Variants in EIF2AK1 observed in about 807,000 individuals in gnomAD.
EIF2AK1 encodes eukaryotic translation initiation factor 2-alpha kinase 1.
A neutral mutation model predicts 77.9 loss-of-function variants in EIF2AK1; 54 were observed. The ratio of observed to expected loss-of-function variants is 0.69; its 90% CI spans 0.56 to 0.87. The LOEUF (loss-of-function observed/expected upper bound fraction) is 0.87. Among genes scored for constraint, EIF2AK1 ranks in the 40% least tolerant of loss-of-function variants. The pLI is 0.00. For synonymous variants in EIF2AK1, 314 were observed against 290.5 expected (o/e 1.08, Z -0.82); for missense variants, 810 against 768.6 (o/e 1.05, Z -0.64).
rs1263427551 is a variant in EIF2AK1, at chr7:6,036,522, GT to G, written c.1332+901del. The G allele has an allele frequency of 2.0e-6, 1 of 511,632 alleles. No individual in the cohort carries two copies. Among genetic ancestry groups the G allele is most frequent in the Non-Finnish European group, 3.1e-6 (1 of 320,514 alleles). 31.7% of individuals were successfully genotyped at this position (511,632 alleles called of 1,614,324 possible). ...GTACAAACTACTGATTCTTGAACAT[GT>G]TCCAAAATACAAAGTGATTTGTCTA... On this transcript the variant is annotated intron_variant, in intron 11 of 14. Coordinates refer to ENST00000199389, the MANE Select transcript of EIF2AK1 (RefSeq NM_014413.4). The surrounding 1 kb of genome is among the most constrained non-coding windows in gnomAD (Gnocchi z 4.6).
In EIF2AK1 at chr7:6,056,395, C is replaced by G. The variant is rs1340009982; in HGVS notation, c.119-1691G>C. ...GTATCACAAGGTCAGGAGTTCAAGA[C>G]CAGCCTGGCCAAGATGGTGAAACCC... On this transcript the variant is annotated intron_variant, in intron 1 of 14. Transcript: ENST00000199389. Among the ~76,000 whole-genome samples, 189 of 149,686 alleles carry G rather than the reference C, an allele frequency of 1.3e-3. 4 individuals are homozygous for G. The highest frequency in any genetic ancestry group is 0.013 in the Admixed American group (187 of 14,820).
rs1788880332 is a variant in EIF2AK1 at position 6,059,071 on chromosome 7, T to C, written c.13A>G (p.Asn5Asp). Reference sequence around the variant, plus strand: ...TCTTCGCGCTTGCGGACCCCGGAGTTGCCCCCCTGCATCGCCGGCCGCGCG... The same window carrying C: ...TCTTCGCGCTTGCGGACCCCGGAGTCGCCCCCCTGCATCGCCGGCCGCGCG... The part of the protein sequence containing the change: MQGG[N>D]SGVRKREEEG... The change falls in exon 1 of 15, where the codon AAC becomes GAC. Residue 5 changes from asparagine (N) to aspartate (D), a missense_variant. By Grantham distance (23) the Asn-to-Asp change is conservative. Transcript: ENST00000199389. 2 of 1,448,038 alleles carry C rather than the reference T, an allele frequency of 1.4e-6. No homozygotes were observed. The highest frequency in any genetic ancestry group is 2.8e-5 in the South Asian group (2 of 71,486). The allele number at this position is 1,448,038 out of a possible 1,614,324, so 89.7% of individuals were successfully genotyped here. A position where few individuals can be genotyped will look rare whatever the true frequency, so the allele number is the denominator to read the frequency against.
Position 6,036,173 on chromosome 7 carries a change from A to T in EIF2AK1, c.1332+1251T>A. On this transcript the variant is annotated intron_variant, in intron 11 of 14. Coordinates refer to ENST00000199389, the MANE Select transcript of EIF2AK1 (RefSeq NM_014413.4). This position sits in a 1 kb window ranked among gnomAD's most constrained non-coding sequence, Gnocchi z 4.6. ...CTCTGAGAATGACCAATAACCAAGG[A>T]ATTCTACCTGCAGGAATCATGCTAC... 6.5e-7 allele frequency: 1 copy of T among 1,549,908 alleles called. No individual in the cohort carries two copies. Among genetic ancestry groups the T allele is most frequent in the Non-Finnish European group, 8.7e-7 (1 of 1,146,568 alleles).
rs1240778992 is a variant in EIF2AK1, at chr7:6,026,887, T to C, written c.1605A>G (p.Glu535=). ...GACCAGTTCTTAAACCTGTTAGAAC[T>C]TCTGCTCGCTCCATTTCTGTTCCAA... ...QPFGTEMERA[E]VLTGLRTGQL... is the part of the protein sequence containing the mutation. The change falls in exon 14 of 15, where the codon GAA becomes GAG. Residue 535 remains glutamate, a synonymous_variant. Transcript: ENST00000199389. 6.2e-7 allele frequency: 1 copy of C among 1,614,182 alleles called. No individual in the cohort carries two copies.
chr7:6,023,395 C>T lies in EIF2AK1; in HGVS notation c.*1278G>A. ...ACGTTTCTTGTTCTCTCTGTTTGGC[C>T]AGAAGCATAATGCTGTCAACGCAAC... On this transcript the variant is annotated 3_prime_UTR_variant, in exon 15 of 15. Coordinates refer to ENST00000199389, the MANE Select transcript of EIF2AK1 (RefSeq NM_014413.4). 6.2e-7 allele frequency: 1 copy of T among 1,614,172 alleles called. No homozygotes were observed. Among genetic ancestry groups the T allele is most frequent in the Non-Finnish European group, 8.5e-7 (1 of 1,180,028 alleles).
Position 6,024,126 on chromosome 7 carries a change from G to C in EIF2AK1, c.*547C>G. 1.5e-6 allele frequency: 2 copies of C among 1,295,600 alleles called. No homozygotes were observed. The highest frequency in any genetic ancestry group is 1.5e-5 in the African/African-American group (1 of 66,264). 80.3% of individuals were successfully genotyped at this position (1,295,600 alleles called of 1,614,324 possible). A position where few individuals can be genotyped will look rare whatever the true frequency, so the allele number is the denominator to read the frequency against. On this transcript the variant is annotated 3_prime_UTR_variant, in exon 15 of 15. Coordinates refer to ENST00000199389, the MANE Select transcript of EIF2AK1 (RefSeq NM_014413.4). ...GGAATGACGCTAAACTGAAGGTGGAGAGAACAGATAAAAAGGTTGGAAGTT... is the reference window on the plus strand; with the variant it reads ...GGAATGACGCTAAACTGAAGGTGGACAGAACAGATAAAAAGGTTGGAAGTT...
intron 5 of EIF2AK1, 93 bp downstream of exon 5, chr7:6,046,899 C>CA: frequency 3.3e-6 from 4 of 1,228,146 alleles, no homozygotes; most frequent in South Asian, 1.6e-5. Context: ...GACTCCATCT[C>CA]AAAAAAATAA....
rs1452209510 is a variant in EIF2AK1, at chr7:6,029,112, G to A, written c.1333-80C>T. 4 of 1,202,420 alleles carry A rather than the reference G, an allele frequency of 3.3e-6. No homozygotes were observed. The Admixed American group carries it at 9.7e-5, about 29-fold the overall frequency. The allele number at this position is 1,202,420 out of a possible 1,614,324, so 74.5% of individuals were successfully genotyped here. On this transcript the variant is annotated intron_variant, in intron 11 of 14. Transcript: ENST00000199389. ...ATCTTGTAAATGTTTTTAAGTGTTT[G>A]GAACTCAGGAGCAAGCAGCCCCTCA... is the stretch of plus-strand genomic sequence containing the variant.
chr7:6,037,116 A>G (rs925004594), intron 11 of EIF2AK1, among the ~76,000 whole-genome samples: 1 of 152,060 alleles, frequency 6.6e-6, no homozygotes, highest in Non-Finnish European at 1.5e-5. Flanking sequence ...CTGTAGTCTC[A>G]GCTACTAGGG....
In EIF2AK1 at chr7:6,024,292, T is replaced by G; in HGVS notation, c.*381A>C. The G allele has an allele frequency of 8.2e-7, 1 of 1,213,206 alleles. No homozygotes were observed. Among genetic ancestry groups the G allele is most frequent in the Non-Finnish European group, 1.0e-6 (1 of 958,742 alleles). The allele number at this position is 1,213,206 out of a possible 1,614,324, so 75.2% of individuals were successfully genotyped here. A position where few individuals can be genotyped will look rare whatever the true frequency, so the allele number is the denominator to read the frequency against. On this transcript the variant is annotated 3_prime_UTR_variant, in exon 15 of 15. Coordinates refer to ENST00000199389, the MANE Select transcript of EIF2AK1 (RefSeq NM_014413.4). ...AAAGGGGCAGGAAGACTGGCAGCTG[T>G]CAAAACTGGAACAGTCCAGTGAGTA...
intron 2 of EIF2AK1, 28 bp from the exon 3 acceptor site, chr7:6,050,073 T>A: frequency 6.4e-7 from 1 of 1,573,356 alleles, no homozygotes; most frequent in Non-Finnish European, 8.6e-7. Context: ...AAAACTATTA[T>A]TAGAAACATC....
Position 6,029,048 on chromosome 7 carries a change from A to G in EIF2AK1, c.1333-16T>C, listed in dbSNP as rs1379539746. 2 of 1,575,396 alleles carry G rather than the reference A, an allele frequency of 1.3e-6. No individual in the cohort carries two copies. Among genetic ancestry groups the G allele is most frequent in the African/African-American group, 1.4e-5 (1 of 73,736 alleles). On this transcript the variant is annotated splice_polypyrimidine_tract_variant and intron_variant, in intron 11 of 14. Coordinates refer to ENST00000199389, the MANE Select transcript of EIF2AK1 (RefSeq NM_014413.4). ...TATTTCTTGGCTATCAACAAACAAAACAAGTCAACTCCTTGGCTTTCTTAA... is the reference window on the plus strand; with the variant it reads ...TATTTCTTGGCTATCAACAAACAAAGCAAGTCAACTCCTTGGCTTTCTTAA...
intron 1 of EIF2AK1, chr7:6,057,659 CCT>C (rs1451130251): frequency 2.0e-5 from 3 of 151,608 alleles, no homozygotes; most frequent in South Asian, 2.1e-4. Context: ...TGTTGTTTTT[CCT>C]CTGTCTCCCA....
chr7:6,052,239 A>G (rs988660280), intron 2 of EIF2AK1, among the ~76,000 whole-genome samples: 1 of 151,792 alleles, frequency 6.6e-6, no homozygotes, highest in Non-Finnish European at 1.5e-5. Flanking sequence ...TCTTAAAATC[A>G]GTAAAATTCA....
At chr7:6,056,467 G>A (rs1463855281) in intron 1 of EIF2AK1, among the ~76,000 whole-genome samples, 2 of 147,174 alleles carry the variant, frequency 1.4e-5, no homozygotes, top group African/African-American at 2.5e-5. Flanking sequence ...GGTGGCAGAC[G>A]CCTGTAATCC....
chr7:6,044,635 T>C lies in EIF2AK1; in HGVS notation c.657A>G (p.Ala219=). Residue 219 remains alanine, a synonymous_variant, in exon 7 of 15, where the codon GCA becomes GCG. Coordinates refer to ENST00000199389, the MANE Select transcript of EIF2AK1 (RefSeq NM_014413.4). ...CAACAATATTGGGGTGCTGAAGACCTGCCAGCACCTTCACTTCCCGTAGGA... is the reference window on the plus strand; with the variant it reads ...CAACAATATTGGGGTGCTGAAGACCCGCCAGCACCTTCACTTCCCGTAGGA... ...MKVLREVKVL[A]GLQHPNIVGY... 6.2e-7 allele frequency: 1 copy of C among 1,614,000 alleles called. No individual in the cohort carries two copies. The highest frequency in any genetic ancestry group is 1.3e-5 in the African/African-American group (1 of 75,062).
In EIF2AK1 at chr7:6,036,267, T is replaced by C; in HGVS notation, c.1332+1157A>G. 6.5e-7 allele frequency: 1 copy of C among 1,549,940 alleles called. No individual in the cohort carries two copies. The highest frequency in any genetic ancestry group is 1.2e-5 in the South Asian group (1 of 83,996). ...AAAACCTTTATCCCTACAGGGTATC[T>C]GCAAAAGAAACATCAGGAATATTTA... On this transcript the variant is annotated intron_variant, in intron 11 of 14. Coordinates refer to ENST00000199389, the MANE Select transcript of EIF2AK1 (RefSeq NM_014413.4). This position sits in a 1 kb window ranked among gnomAD's most constrained non-coding sequence, Gnocchi z 4.6.
Position 6,037,418 on chromosome 7 carries a change from A to G in EIF2AK1, c.1332+6T>C. 2 of 1,588,688 alleles carry G rather than the reference A, an allele frequency of 1.3e-6. No homozygotes were observed. Among genetic ancestry groups the G allele is most frequent in the Non-Finnish European group, 1.7e-6 (2 of 1,160,252 alleles). ...TGCTTTCAATGATTTCATCGCCCCC[A>G]CTTACCTTCAGATCTCGGTGCACAA... On this transcript the variant is annotated splice_donor_region_variant and intron_variant, in intron 11 of 14. Coordinates refer to ENST00000199389, the MANE Select transcript of EIF2AK1 (RefSeq NM_014413.4).
rs1180123264 is a variant in EIF2AK1 at position 6,059,157 on chromosome 7, C to G, written c.-74G>C. The G allele has an allele frequency of 9.5e-7, 1 of 1,049,254 alleles. No homozygotes were observed. Among genetic ancestry groups the G allele is most frequent in the Non-Finnish European group, 1.3e-6 (1 of 790,874 alleles). The allele number at this position is 1,049,254 out of a possible 1,614,324, so 65.0% of individuals were successfully genotyped here. On this transcript the variant is annotated 5_prime_UTR_variant, in exon 1 of 15. Coordinates refer to ENST00000199389, the MANE Select transcript of EIF2AK1 (RefSeq NM_014413.4). ...TGCCACACTCCGATGCTGCAGCTAG[C>G]GCCGTCCGACCCGGAAGTAACCCCT...
Sources: allele counts gnomAD v4.1 joint callset (sites outside exome capture counted in the v4.1 genomes callset), GRCh38; gene constraint gnomAD v4.1.1; non-coding constraint Gnocchi (gnomAD v3.1); transcripts MANE v1.5; gene names NCBI Gene and HGNC (gene_info 2026-07-23, HGNC 2026-07-21).